Variants in PCBP3 observed in about 807,000 individuals in gnomAD.
PCBP3 encodes poly(rC) binding protein 3.
In PCBP3, 25 loss-of-function variants were observed where a neutral mutation model predicts 52.7. The observed-to-expected ratio is 0.47, with a 90% CI of 0.35 to 0.66. The LOEUF is 0.66. Ranked by LOEUF, PCBP3 falls within the 30% of genes least tolerant of loss-of-function variation. The pLI is 0.01. For synonymous variants in PCBP3, 162 were observed against 183.0 expected (o/e 0.89, Z 0.93); for missense variants, 391 against 490.3 (o/e 0.80, Z 1.91).
intron 3 of PCBP3, among the ~76,000 whole-genome samples, chr21:45,742,407 C>T (rs4819147): frequency 0.15 from 22,893 of 152,188 alleles, 1,900 homozygotes; most frequent in African/African-American, 0.21. Flanking sequence ...TGGCTTAGCT[C>T]TTTAACAATA....
At chr21:45,844,607 C>T (rs1307153162) in intron 4 of PCBP3, among the ~76,000 whole-genome samples, 1 of 152,026 alleles carries the variant, frequency 6.6e-6, no homozygotes, top group Non-Finnish European at 1.5e-5. Flanking sequence ...CAATGGTGCT[C>T]CCCGCGGCAT....
intron 4 of PCBP3, among the ~76,000 whole-genome samples, chr21:45,812,251 A>G (rs2092704265): frequency 6.6e-6 from 1 of 152,172 alleles, no homozygotes; most frequent in African/African-American, 2.4e-5. Flanking sequence ...GTTAAAGACC[A>G]TGGGCTATGA....
chr21:45,649,872 A>G (rs2079563691), intron 1 of PCBP3, among the ~76,000 whole-genome samples: 1 of 152,154 alleles, frequency 6.6e-6, no homozygotes. Context: ...TTTTAAAAAA[A>G]TCATGAATAG....
intron 11 of PCBP3, among the ~76,000 whole-genome samples, chr21:45,912,609 A>T (rs2096419347): frequency 6.6e-6 from 1 of 151,986 alleles, no homozygotes; most frequent in Non-Finnish European, 1.5e-5. Context: ...CCCTGTACCC[A>T]GTGCAGGGAG....
intron 5 of PCBP3, among the ~76,000 whole-genome samples, chr21:45,887,480 C>T (rs2095549826): frequency 6.6e-6 from 1 of 152,192 alleles, no homozygotes; most frequent in Admixed American, 6.5e-5. Context: ...TGGCTCCACA[C>T]CTCATTCAGT....
At chr21:45,858,100 C>G (rs2094373413) in intron 5 of PCBP3, among the ~76,000 whole-genome samples, 1 of 152,222 alleles carries the variant, frequency 6.6e-6, no homozygotes, top group African/African-American at 2.4e-5. Flanking sequence ...CCTCCAGTCT[C>G]TGACCTGTCA....
chr21:45,911,816 A>C (rs1229476603), intron 11 of PCBP3, among the ~76,000 whole-genome samples: 1 of 152,208 alleles, frequency 6.6e-6, no homozygotes, highest in Non-Finnish European at 1.5e-5. Flanking sequence ...TCTTTAAAAA[A>C]TGTTTGCGTA....
At chr21:45,860,432 A>G (rs1031757271) in intron 5 of PCBP3, among the ~76,000 whole-genome samples, 4 of 152,168 alleles carry the variant, frequency 2.6e-5, no homozygotes, top group African/African-American at 9.7e-5. Flanking sequence ...GACATTTTAC[A>G]CCATGTTGCT....
rs891053981 is a variant in PCBP3, at chr21:45,928,944, G to A, written c.718-973G>A. On this transcript the variant is annotated intron_variant, in intron 13 of 17. Coordinates refer to ENST00000681687, the MANE Select transcript of PCBP3 (RefSeq NM_001384156.1). The surrounding 1 kb of genome is among the most constrained non-coding windows in gnomAD (Gnocchi z 4.1). ...CCTGAGCCCCAGGACACCCTCTGCAGCACCCAGCCTTGACAGCCCCACTGG... is the reference window on the plus strand; with the variant it reads ...CCTGAGCCCCAGGACACCCTCTGCAACACCCAGCCTTGACAGCCCCACTGG... Among the ~76,000 whole-genome samples the A allele has an allele frequency of 7.2e-5, 11 of 152,166 alleles. No homozygotes were observed. Among genetic ancestry groups the A allele is most frequent in the African/African-American group, 2.2e-4 (9 of 41,448 alleles).
intron 4 of PCBP3, among the ~76,000 whole-genome samples, chr21:45,813,903 T>C (rs1415216542): frequency 6.6e-6 from 1 of 152,256 alleles, no homozygotes; most frequent in East Asian, 1.9e-4. Flanking sequence ...TTTTTGTTTG[T>C]ATGATGTTCA....
intron 1 of PCBP3, among the ~76,000 whole-genome samples, 194 bp downstream of exon 1, chr21:45,644,062 C>T (rs1465436892): frequency 1.3e-5 from 2 of 150,130 alleles, no homozygotes; most frequent in East Asian, 2.0e-4. Context: ...CCCGGGGCAG[C>T]GAGGGGACTC....
Position 45,917,528 on chromosome 21 carries a change from C to A in PCBP3, c.676-60C>A. 1 of 1,364,882 alleles carries A rather than the reference C, an allele frequency of 7.3e-7. No individual in the cohort carries two copies. The highest frequency in any genetic ancestry group is 1.0e-6 in the Non-Finnish European group (1 of 958,398). The allele number at this position is 1,364,882 out of a possible 1,614,324, so 84.5% of individuals were successfully genotyped here. A position where few individuals can be genotyped will look rare whatever the true frequency, so the allele number is the denominator to read the frequency against. ...TCCTTGTCATGCTGGAGGGTGGCGG[C>A]GGGTGCTGAGCCGTGGTGCAGCCAG... On this transcript the variant is annotated intron_variant, in intron 12 of 17. Coordinates refer to ENST00000681687, the MANE Select transcript of PCBP3 (RefSeq NM_001384156.1). The surrounding 1 kb of genome is among the most constrained non-coding windows in gnomAD (Gnocchi z 5.3).
intron 4 of PCBP3, among the ~76,000 whole-genome samples, chr21:45,834,165 A>G (rs2093522875): frequency 6.6e-6 from 1 of 152,110 alleles, no homozygotes; most frequent in African/African-American, 2.4e-5. Flanking sequence ...TCTACGTGGA[A>G]GTTGTCAAGG....
At chr21:45,849,815 C>T (rs1184703809) in intron 4 of PCBP3, 146 bp from the exon 5 acceptor site, 6 of 450,748 alleles carry the variant, frequency 1.3e-5, no homozygotes, top group South Asian at 3.4e-5. Flanking sequence ...CACTCTGTCT[C>T]CACACTCACA....
Position 45,737,053 on chromosome 21 carries a change from C to T in PCBP3, c.-162+1624C>T, listed in dbSNP as rs944059832. ...GGGCCAAGGGGGTTTGGAGCAGAAG[C>T]TCGGGTCTGACATGCCTGGTGCATC... On this transcript the variant is annotated intron_variant, in intron 3 of 17. Transcript: ENST00000681687. The surrounding 1 kb of genome is among the most constrained non-coding windows in gnomAD (Gnocchi z 4.9). Among the ~76,000 whole-genome samples, 1 of 152,088 alleles carries T rather than the reference C, an allele frequency of 6.6e-6. No individual in the cohort carries two copies. Among genetic ancestry groups the T allele is most frequent in the Non-Finnish European group, 1.5e-5 (1 of 67,992 alleles).
chr21:45,910,382 G>C (rs1022271121), intron 10 of PCBP3, among the ~76,000 whole-genome samples: 1 of 151,802 alleles, frequency 6.6e-6, no homozygotes, highest in African/African-American at 2.4e-5. Context: ...TCCCTGTGAG[G>C]GGCCTCCAGG....
chr21:45,858,300 C>T (rs1380024916), intron 5 of PCBP3: 1 of 152,134 alleles, frequency 6.6e-6, no homozygotes, highest in South Asian at 2.1e-4. Flanking sequence ...CTGTCATCTA[C>T]GCACGGTCTC....
At chr21:45,690,198 T>C (rs528867585) in intron 2 of PCBP3, among the ~76,000 whole-genome samples, 3 of 152,292 alleles carry the variant, frequency 2.0e-5, no homozygotes, top group Admixed American at 2.0e-4. Flanking sequence ...GATCAATTGA[T>C]TTTTGACAAG....
At chr21:45,912,945 T>C (rs561041205) in intron 11 of PCBP3, among the ~76,000 whole-genome samples, 5 of 152,078 alleles carry the variant, frequency 3.3e-5, no homozygotes, top group South Asian at 4.2e-4. Flanking sequence ...GGGCTTTGAG[T>C]GTGAGTGGCG....
Sources: allele counts gnomAD v4.1 joint callset (sites outside exome capture counted in the v4.1 genomes callset), GRCh38; gene constraint gnomAD v4.1.1; non-coding constraint Gnocchi (gnomAD v3.1); transcripts MANE v1.5; gene names NCBI Gene and HGNC (gene_info 2026-07-23, HGNC 2026-07-21).